KAZN: variants seen among roughly 807,000 people sequenced by gnomAD.
KAZN encodes kazrin.
In KAZN, 40 loss-of-function variants were observed where a neutral mutation model predicts 87.4. That is an observed-to-expected ratio of 0.46 (90% CI 0.36 to 0.60). The LOEUF (loss-of-function observed/expected upper bound fraction) is 0.60. Ranked by LOEUF, KAZN falls within the 20% of genes least tolerant of loss-of-function variation. The probability of loss-of-function intolerance (pLI) is 0.00; values close to 1 mark genes in which losing one functional copy is unlikely to be tolerated. For synonymous variants in KAZN, 466 were observed against 458.3 expected, an observed-to-expected ratio of 1.02 and a Z score of -0.22; for missense variants, 898 against 1,073.9, an observed-to-expected ratio of 0.84 and a Z score of 2.29.
At chr1:14,072,351 C>G (rs1305433576) in intron 1 of KAZN, among the ~76,000 whole-genome samples, 2 of 152,134 alleles carry the variant, frequency 1.3e-5, no homozygotes, top group Non-Finnish European at 2.9e-5. Flanking sequence ...GGTTCTGAGT[C>G]AAGAGAGGGC....
chr1:14,615,765 G>A (rs1678188368), intron 1 of KAZN, among the ~76,000 whole-genome samples: 1 of 152,252 alleles, frequency 6.6e-6, no homozygotes, highest in African/African-American at 2.4e-5. Context: ...ATCCCGGGAA[G>A]TGGCGTAGGA....
chr1:14,255,138 A>AAAGAAGAAG (rs1199857011), intron 2 of KAZN, among the ~76,000 whole-genome samples: 5 of 125,304 alleles, frequency 4.0e-5, no homozygotes, highest in African/African-American at 1.9e-4. Context: ...AAAAAAAAAA[A>AAAGAAGAAG]AAGAAGAAGA....
rs768735120 is a variant in KAZN at position 14,399,588 on chromosome 1, G to A, written c.250-199395G>A. Among the ~76,000 whole-genome samples the A allele has an allele frequency of 2.3e-4, 35 of 152,100 alleles. 1 individual carries two copies. Among genetic ancestry groups the A allele is most frequent in the East Asian group, 3.9e-4 (2 of 5,162 alleles). ...ATGGGCTCACGAGTCACCTGGGGGC[G>A]TGTACTGGGTTTAGTCACGTAACCA... On this transcript the variant is annotated intron_variant, in intron 2 of 16. Coordinates refer to the KAZN transcript ENST00000636203.
At chr1:15,061,574 C>G (rs1573225172) in intron 6 of KAZN, 2 of 152,306 alleles carry the variant, frequency 1.3e-5, no homozygotes, top group African/African-American at 4.8e-5. Flanking sequence ...GGATGGAGTG[C>G]AGTGACGCAG....
intron 1 of KAZN, among the ~76,000 whole-genome samples, chr1:14,868,091 G>C (rs1239483448): frequency 1.3e-5 from 2 of 151,768 alleles, no homozygotes; most frequent in African/African-American, 2.4e-5. Flanking sequence ...ACATACGCAC[G>C]GTATCACATA....
At chr1:13,952,496 T>A (rs7532844) in intron 1 of KAZN, among the ~76,000 whole-genome samples, 17,128 of 152,094 alleles carry the variant, frequency 0.11, 1,354 homozygotes, top group Middle Eastern at 0.19. Flanking sequence ...AGGCACTATC[T>A]TATCTCTCCT....
chr1:14,419,649 G>A (rs551687946), intron 2 of KAZN, among the ~76,000 whole-genome samples: 9 of 152,228 alleles, frequency 5.9e-5, no homozygotes, highest in South Asian at 2.1e-4. Flanking sequence ...TCTGATTTTC[G>A]GATGTGTTCA....
intron 1 of KAZN, among the ~76,000 whole-genome samples, chr1:14,743,384 C>T (rs553049553): frequency 2.7e-5 from 4 of 150,374 alleles, no homozygotes; most frequent in East Asian, 3.9e-4. Flanking sequence ...GAGCTGAGAT[C>T]GCGCCACTGC....
At chr1:14,891,341 C>T (rs894665395) in intron 1 of KAZN, among the ~76,000 whole-genome samples, 1 of 152,112 alleles carries the variant, frequency 6.6e-6, no homozygotes, top group Non-Finnish European at 1.5e-5. Context: ...CCCCAGAGTC[C>T]ATTGTATCAT....
At chr1:13,993,907 T>A (rs1396695707) in intron 1 of KAZN, among the ~76,000 whole-genome samples, 3 of 152,236 alleles carry the variant, frequency 2.0e-5, no homozygotes, top group Non-Finnish European at 4.4e-5. Context: ...TGTCAATCCC[T>A]TTAATAAGAA....
chr1:14,167,878 A>T (rs1645866647), intron 1 of KAZN, among the ~76,000 whole-genome samples: 2 of 152,222 alleles, frequency 1.3e-5, no homozygotes, highest in Non-Finnish European at 2.9e-5. Context: ...TGGGGGCCAG[A>T]TGACCCAGCC....
rs1277170012 is a variant in KAZN, at chr1:14,557,635, T to TGG, written c.250-41347_250-41346insGG. On this transcript the variant is annotated intron_variant, in intron 2 of 16. Coordinates refer to the KAZN transcript ENST00000636203. ...AACCAATAGGGTGTGTGTGGGTGTG[T>TGG]GTGTGTGTGTGTGTGTGTGTGTGTG... 1.2e-3 allele frequency among the ~76,000 whole-genome samples: 54 copies of TGG among 46,852 alleles called. 1 individual carries two copies. Among genetic ancestry groups the TGG allele is most frequent in the Middle Eastern group, 0.02 (2 of 100 alleles). 30.7% of individuals were successfully genotyped at this position (46,852 alleles called of 152,430 possible). A position where few individuals can be genotyped will look rare whatever the true frequency, so the allele number is the denominator to read the frequency against.
At chr1:13,907,333 C>T (rs1471836292) in intron 1 of KAZN, among the ~76,000 whole-genome samples, 1 of 152,122 alleles carries the variant, frequency 6.6e-6, no homozygotes, top group East Asian at 1.9e-4. Flanking sequence ...GGAGTGGCCC[C>T]TGGGGACTGT....
intron 2 of KAZN, among the ~76,000 whole-genome samples, chr1:14,587,719 G>A (rs991053354): frequency 7.9e-5 from 12 of 152,170 alleles, no homozygotes; most frequent in East Asian, 5.8e-4. Flanking sequence ...GTACTAAGTC[G>A]GTCATAAGAC....
chr1:13,999,236 C>T lies in KAZN; in HGVS notation c.91+105480C>T, dbSNP rs150861391. Among the ~76,000 whole-genome samples the T allele has an allele frequency of 9.9e-3, 1,504 of 152,116 alleles. 19 individuals carry two copies. Among genetic ancestry groups the T allele is most frequent in the African/African-American group, 0.033 (1,360 of 41,478 alleles). ...TGGTGGTGTGCACCTGTAATCTCAG[C>T]ACTCAGGAGGCTGAGACAGTAGAAT... is the stretch of plus-strand genomic sequence containing the variant. On this transcript the variant is annotated intron_variant, in intron 1 of 16. Transcript: ENST00000636203.
intron 1 of KAZN, among the ~76,000 whole-genome samples, chr1:13,981,774 A>G (rs78089625): frequency 0.03 from 4,607 of 152,324 alleles, 129 homozygotes; most frequent in East Asian, 0.13. Context: ...GCTCTCGTTC[A>G]GCAGGGGGCC....
In KAZN at chr1:15,006,785, G is replaced by A. The variant is rs143579338; in HGVS notation, c.419-27964G>A. ...AAGTTCCAGGGAAGGGGCTGGGCGC[G>A]GTGGCTCACGCCTGTAATCCCAGCA... On this transcript the variant is annotated intron_variant, in intron 2 of 14. Transcript: ENST00000376030. Among the ~76,000 whole-genome samples the A allele has an allele frequency of 4.2e-3, 636 of 152,228 alleles. 2 individuals are homozygous for A. Among genetic ancestry groups the A allele is most frequent in the African/African-American group, 0.014 (590 of 41,536 alleles).
chr1:14,221,969 G>C (rs1647110401), intron 2 of KAZN: 1 of 152,134 alleles, frequency 6.6e-6, no homozygotes, highest in African/African-American at 2.4e-5. Context: ...AGCAGCTTGT[G>C]ATTCGTGATG....
intron 2 of KAZN, among the ~76,000 whole-genome samples, chr1:14,468,376 C>G (rs1571723789): frequency 6.6e-6 from 1 of 152,164 alleles, no homozygotes; most frequent in South Asian, 2.1e-4. Context: ...TATACCCGGT[C>G]TTACTCAAGC....
Sources: gnomAD v4.1 joint callset for allele counts (sites outside exome capture counted in the v4.1 genomes callset) on GRCh38, gnomAD v4.1.1 for gene constraint, MANE v1.5 for transcripts, NCBI Gene and HGNC (gene_info 2026-07-23, HGNC 2026-07-21) for gene names.